The following FAM53A variants were observed in gnomAD, a reference collection of about 807,000 sequenced individuals.
The protein encoded by FAM53A is protein FAM53A.
In FAM53A, 28 loss-of-function variants were observed where a neutral mutation model predicts 26.6. The observed-to-expected ratio is 1.05, with a 90% CI of 0.78 to 1.45. The LOEUF (loss-of-function observed/expected upper bound fraction) is 1.45, where lower values mean the gene tolerates loss of function less well. Among genes scored for constraint, FAM53A ranks in the 40% most tolerant of loss-of-function variants. FAM53A has a pLI of 0.00. For synonymous variants in FAM53A, 290 were observed against 253.1 expected (o/e 1.15, Z -1.38); for missense variants, 650 against 575.8 (o/e 1.13, Z -1.32).
chr4:1,666,495 G>A (rs1250658124), intron 2 of FAM53A, among the ~76,000 whole-genome samples: 1 of 152,230 alleles, frequency 6.6e-6, no homozygotes, highest in Non-Finnish European at 1.5e-5. Context: ...GGGGCCCGTG[G>A]GTCACCCCAC....
At chr4:1,609,065 G>A in the FAM53A span, among the ~76,000 whole-genome samples, 9 of 152,028 alleles carry the variant, frequency 5.9e-5, no homozygotes, top group Admixed American at 6.5e-5. Context: ...CAAGCCCAGC[G>A]GTGCTGCAGA....
chr4:1,578,687 C>G, the FAM53A span, among the ~76,000 whole-genome samples: 2 of 147,846 alleles, frequency 1.4e-5, no homozygotes, highest in Non-Finnish European at 1.5e-5. Context: ...CTGCAGACAA[C>G]GAGGCTCGGA....
At position 1,668,803 on chromosome 4, in the gene FAM53A, T is replaced by C; in HGVS notation, c.-62A>G. On this transcript the variant is annotated 5_prime_UTR_variant, in exon 2 of 5. Coordinates refer to ENST00000308132, the MANE Select transcript of FAM53A (RefSeq NM_001174070.3). ...CACTGGAGTCCTGGAACATCAGACT[T>C]GCGAAGGCCCCAGCATTGCTGGGTC... is the stretch of plus-strand genomic sequence containing the variant. The C allele has an allele frequency of 1.3e-6, 2 of 1,536,782 alleles. No individual in the cohort carries two copies. Among genetic ancestry groups the C allele is most frequent in the Non-Finnish European group, 1.8e-6 (2 of 1,111,992 alleles).
At chr4:1,597,125 C>T in the FAM53A span, among the ~76,000 whole-genome samples, 4 of 152,300 alleles carry the variant, frequency 2.6e-5, no homozygotes, top group East Asian at 5.8e-4. Flanking sequence ...AGCCTCTTCC[C>T]ACAGGCCTGG....
chr4:1,613,531 G>A (rs1028903284), downstream of FAM53A, among the ~76,000 whole-genome samples: 3 of 152,210 alleles, frequency 2.0e-5, no homozygotes, highest in African/African-American at 4.8e-5. Flanking sequence ...ACCCTGATGC[G>A]AAAATAAGCA....
At chr4:1,646,886 A>G (rs1712296874) in intron 4 of FAM53A, among the ~76,000 whole-genome samples, 1 of 152,186 alleles carries the variant, frequency 6.6e-6, no homozygotes, top group Non-Finnish European at 1.5e-5. Context: ...TACGTGGCAA[A>G]AGCTTTTCAA....
the FAM53A span, among the ~76,000 whole-genome samples, chr4:1,577,594 C>G: frequency 1.2e-4 from 19 of 152,248 alleles, no homozygotes; most frequent in South Asian, 3.5e-3. Context: ...TTTTAATTAC[C>G]AGCCCTGGGC....
exon 2 of FAM53A, chr4:1,618,005 T>G: frequency 2.2e-6 from 1 of 456,242 alleles, no homozygotes; most frequent in Non-Finnish European, 4.4e-6. Flanking sequence ...ATGCTTGGCA[T>G]AGAGCCGACC....
At chr4:1,631,955 G>A (rs1005579783) in intron 1 of FAM53A, among the ~76,000 whole-genome samples, 5 of 152,244 alleles carry the variant, frequency 3.3e-5, no homozygotes, top group Admixed American at 1.3e-4. Context: ...TTGAGGTCAG[G>A]AGTCTGAGAC....
At chr4:1,595,194 A>C in the FAM53A span, among the ~76,000 whole-genome samples, 1 of 152,222 alleles carries the variant, frequency 6.6e-6, no homozygotes, top group African/African-American at 2.4e-5. Context: ...CCCTCTGCCC[A>C]CAGGGACCCC....
intron 1 of FAM53A, among the ~76,000 whole-genome samples, chr4:1,631,336 C>T (rs1459884001): frequency 6.6e-6 from 1 of 152,222 alleles, no homozygotes; most frequent in Non-Finnish European, 1.5e-5. Context: ...CCCCATGTCC[C>T]AGGCAAGGCC....
chr4:1,644,241 C>T, intron 4 of FAM53A: 2 of 1,535,948 alleles, frequency 1.3e-6, no homozygotes, highest in Non-Finnish European at 1.7e-6. Context: ...TGTTTTCATT[C>T]AGAGTCGACC....
At chr4:1,587,658 C>T in the FAM53A span, among the ~76,000 whole-genome samples, 13 of 152,068 alleles carry the variant, frequency 8.5e-5, no homozygotes, top group East Asian at 1.9e-4. Flanking sequence ...GGTGACAGAG[C>T]GAGACTCTGC....
At chr4:1,657,829 C>T (rs1208795467) in intron 2 of FAM53A, among the ~76,000 whole-genome samples, 1 of 151,354 alleles carries the variant, frequency 6.6e-6, no homozygotes, top group Admixed American at 6.6e-5. Flanking sequence ...TTAGTAGAGA[C>T]AGGGTTTCAC....
intron 2 of FAM53A, among the ~76,000 whole-genome samples, chr4:1,666,125 C>T (rs1425718837): frequency 7.5e-6 from 1 of 132,818 alleles, no homozygotes; most frequent in Non-Finnish European, 1.6e-5. Context: ...CACCTGCACC[C>T]CTGTATCTAA....
chr4:1,593,750 C>T, the FAM53A span, among the ~76,000 whole-genome samples: 1 of 152,088 alleles, frequency 6.6e-6, no homozygotes, highest in Non-Finnish European at 1.5e-5. Context: ...AAATTCCTGA[C>T]AATTCACTTG....
chr4:1,604,686 T>C, the FAM53A span, among the ~76,000 whole-genome samples: 1 of 152,030 alleles, frequency 6.6e-6, no homozygotes, highest in Non-Finnish European at 1.5e-5. Context: ...GACACGGCCA[T>C]CCTCTGGGGC....
intron 1 of FAM53A, among the ~76,000 whole-genome samples, chr4:1,672,472 G>A (rs1201167885): frequency 2.0e-5 from 3 of 152,230 alleles, no homozygotes; most frequent in Non-Finnish European, 4.4e-5. Flanking sequence ...GGAGCCACTA[G>A]TGAGTGCAGA....
chr4:1,624,979 A>AG lies in FAM53A; in HGVS notation c.432-6869dup, dbSNP rs1286333061. On this transcript the variant is annotated intron_variant, in intron 1 of 1. Transcript: ENST00000489029. ...CCCCCACGTCCCGGCCCACGTGGTC[A>AG]GGGGTCACACCAGGTGATCAGAAGG... Among the ~76,000 whole-genome samples, 8 of 125,360 alleles carry AG rather than the reference A, an allele frequency of 6.4e-5. No homozygotes were observed. In the East Asian group the frequency reaches 6.8e-4, roughly 11 times the overall value. The allele number at this position is 125,360 out of a possible 152,430, so 82.2% of individuals were successfully genotyped here.
Sources: gnomAD v4.1 joint callset for allele counts (sites outside exome capture counted in the v4.1 genomes callset) on GRCh38, gnomAD v4.1.1 for gene constraint, MANE v1.5 for transcripts, NCBI Gene and HGNC (gene_info 2026-07-23, HGNC 2026-07-21) for gene names.